NRXN3: variants seen among roughly 807,000 people sequenced by gnomAD.
NRXN3 encodes the protein neurexin III.
In NRXN3, 32 loss-of-function variants were observed where a neutral mutation model predicts 137.6. That is an observed-to-expected ratio of 0.23 (90% confidence interval 0.18 to 0.31). The LOEUF is 0.31. NRXN3 is among the 10% of genes least tolerant of loss of function. The probability of loss-of-function intolerance (pLI) is 1.00; values close to 1 mark genes in which losing one functional copy is unlikely to be tolerated. For synonymous variants in NRXN3, 798 were observed against 784.5 expected (o/e 1.02, Z -0.29); for missense variants, 1,574 against 2,062.5 (o/e 0.76, Z 4.59).
intron 10 of NRXN3, among the ~76,000 whole-genome samples, chr14:78,832,585 G>A (rs2152409094): frequency 6.6e-6 from 1 of 152,064 alleles, no homozygotes; most frequent in East Asian, 1.9e-4. Context: ...TTTCTCAGTG[G>A]GGAGTGGGGT....
At chr14:79,588,707 A>G (rs1475351150) in intron 16 of NRXN3, among the ~76,000 whole-genome samples, 1 of 152,220 alleles carries the variant, frequency 6.6e-6, no homozygotes, top group Non-Finnish European at 1.5e-5. Flanking sequence ...ATGAACTGAG[A>G]GAGAAGACTC....
intron 15 of NRXN3, among the ~76,000 whole-genome samples, chr14:79,364,559 G>A (rs1209227957): frequency 6.6e-6 from 1 of 152,064 alleles, no homozygotes; most frequent in East Asian, 1.9e-4. Context: ...GAAATAAAAG[G>A]CAATAAGCTT....
At chr14:79,146,250 C>CTG (rs1483309156) in intron 15 of NRXN3, among the ~76,000 whole-genome samples, 1 of 152,128 alleles carries the variant, frequency 6.6e-6, no homozygotes, top group Non-Finnish European at 1.5e-5. Context: ...ACTCCAGAGC[C>CTG]TGTGCTCTTA....
At chr14:78,499,651 G>T (rs370389640) in intron 4 of NRXN3, among the ~76,000 whole-genome samples, 1 of 152,310 alleles carries the variant, frequency 6.6e-6, no homozygotes, top group Non-Finnish European at 1.5e-5. Flanking sequence ...CTTACAGGTT[G>T]CAATCAAGGT....
chr14:79,496,781 C>T (rs1407249321), intron 16 of NRXN3, among the ~76,000 whole-genome samples: 1 of 152,214 alleles, frequency 6.6e-6, no homozygotes, highest in African/African-American at 2.4e-5. Context: ...AACACTTCCT[C>T]AGCACCAAAC....
chr14:79,102,301 T>G (rs2051474719), intron 15 of NRXN3, among the ~76,000 whole-genome samples: 1 of 152,160 alleles, frequency 6.6e-6, no homozygotes, highest in Non-Finnish European at 1.5e-5. Flanking sequence ...AGAACCTTCC[T>G]AGGACTGGAG....
At chr14:79,754,031 A>G (rs1045852212) in intron 19 of NRXN3, among the ~76,000 whole-genome samples, 1 of 152,080 alleles carries the variant, frequency 6.6e-6, no homozygotes, top group African/African-American at 2.4e-5. Flanking sequence ...TTAAAAAAAA[A>G]GTACACAGGC....
At chr14:78,274,488 C>G (rs545377071) in intron 2 of NRXN3, among the ~76,000 whole-genome samples, 1 of 152,118 alleles carries the variant, frequency 6.6e-6, no homozygotes, top group Non-Finnish European at 1.5e-5. Context: ...CCACTGGGTC[C>G]CTCCCATGAC....
intron 16 of NRXN3, among the ~76,000 whole-genome samples, chr14:79,651,633 T>C (rs895037066): frequency 2.0e-5 from 3 of 152,114 alleles, no homozygotes; most frequent in Non-Finnish European, 2.9e-5. Flanking sequence ...TGTGGGATAA[T>C]TAGAGAATAA....
intron 1 of NRXN3, among the ~76,000 whole-genome samples, chr14:78,242,114 A>C (rs530488814): frequency 6.6e-6 from 1 of 152,322 alleles, no homozygotes; most frequent in South Asian, 2.1e-4. Context: ...TGACCTTGTG[A>C]TGTGAATATT....
At chr14:78,816,682 C>A (rs7151701) in intron 10 of NRXN3, among the ~76,000 whole-genome samples, 5 of 152,190 alleles carry the variant, frequency 3.3e-5, no homozygotes, top group Non-Finnish European at 7.4e-5. Flanking sequence ...AAAAGTAGAA[C>A]TGCTGAGTCA....
intron 1 of NRXN3, among the ~76,000 whole-genome samples, chr14:78,183,000 A>G (rs1338364635): frequency 1.3e-5 from 2 of 152,164 alleles, no homozygotes; most frequent in Non-Finnish European, 2.9e-5. Flanking sequence ...CTGCCTGGAC[A>G]TCACCTGCTG....
At chr14:79,515,205 A>G (rs887653233) in intron 16 of NRXN3, among the ~76,000 whole-genome samples, 3 of 150,524 alleles carry the variant, frequency 2.0e-5, no homozygotes, top group Admixed American at 6.6e-5. Flanking sequence ...AATACCTGTG[A>G]AAAGTAGGGA....
At chr14:78,271,225 T>TGCATCCCA (rs1395543171) in intron 2 of NRXN3, among the ~76,000 whole-genome samples, 1 of 152,222 alleles carries the variant, frequency 6.6e-6, no homozygotes, top group Non-Finnish European at 1.5e-5. Flanking sequence ...TTATAGGTGT[T>TGCATCCCA]GCATCCCAAC....
chr14:78,281,374 C>T (rs748861413), intron 3 of NRXN3, among the ~76,000 whole-genome samples: 5 of 152,248 alleles, frequency 3.3e-5, no homozygotes, highest in East Asian at 1.9e-4. Context: ...ACCCAGAGGC[C>T]GCTGGAAGAC....
chr14:78,982,615 C>A (rs183288119), intron 14 of NRXN3, among the ~76,000 whole-genome samples: 3,921 of 151,090 alleles, frequency 0.026, 74 homozygotes, highest in Non-Finnish European at 0.04. Flanking sequence ...TAAAATTGTA[C>A]CCTTTTTATA....
In NRXN3 at chr14:79,867,014, A is replaced by G. The variant is rs2099418319; in HGVS notation, c.*5050A>G. ...TAGCTGCCATTAATAATACAACTTT[A>G]TAGCTTTACTATTTTTTCTTTTATT... On this transcript the variant is annotated 3_prime_UTR_variant, in exon 21 of 21. Transcript: ENST00000335750. 1 of 152,214 alleles carries G rather than the reference A, an allele frequency of 6.6e-6. No individual in the cohort carries two copies. The highest frequency in any genetic ancestry group is 2.4e-5 in the African/African-American group (1 of 41,454). The allele number at this position is 152,214 out of a possible 1,614,324, so 9.4% of individuals were successfully genotyped here. A position where few individuals can be genotyped will look rare whatever the true frequency, so the allele number is the denominator to read the frequency against.
chr14:78,904,197 A>G (rs1378794036), intron 10 of NRXN3, among the ~76,000 whole-genome samples: 3 of 152,048 alleles, frequency 2.0e-5, no homozygotes. Flanking sequence ...GTTGTTCTCA[A>G]CCAGGGGCAA....
chr14:78,876,644 G>A (rs1205165678), intron 10 of NRXN3, among the ~76,000 whole-genome samples: 1 of 152,154 alleles, frequency 6.6e-6, no homozygotes, highest in African/African-American at 2.4e-5. Context: ...TTAATTAAAG[G>A]TTTGGTTACA....
Sources: allele counts gnomAD v4.1 joint callset (sites outside exome capture counted in the v4.1 genomes callset), GRCh38; gene constraint gnomAD v4.1.1; transcripts MANE v1.5; gene names NCBI Gene and HGNC (gene_info 2026-07-23, HGNC 2026-07-21).